Variants in NFIC observed in about 807,000 individuals in gnomAD.
NFIC encodes the protein nuclear factor I C.
Under a neutral mutation model 54.4 loss-of-function variants are expected in NFIC, and 12 were observed. The observed-to-expected ratio is 0.22, with a 90% CI of 0.14 to 0.36. The LOEUF (loss-of-function observed/expected upper bound fraction) is 0.36. Ranked by LOEUF, NFIC falls within the 10% of genes least tolerant of loss-of-function variation. The probability of loss-of-function intolerance (pLI) is 1.00; values close to 1 mark genes in which losing one functional copy is unlikely to be tolerated. For synonymous variants in NFIC, 322 were observed against 319.2 expected, an observed-to-expected ratio of 1.01 and a Z score of -0.09; for missense variants, 575 against 718.2, an observed-to-expected ratio of 0.80 and a Z score of 2.28.
intron 3 of NFIC, among the ~76,000 whole-genome samples, chr19:3,432,074 T>C (rs1382443403): frequency 6.6e-6 from 1 of 152,120 alleles, no homozygotes; most frequent in East Asian, 1.9e-4. Flanking sequence ...TGTGGATGCT[T>C]AGTAAACGCC....
chr19:3,367,898 C>T (rs1389207042), intron 1 of NFIC, among the ~76,000 whole-genome samples: 1 of 152,182 alleles, frequency 6.6e-6, no homozygotes, highest in African/African-American at 2.4e-5. Context: ...GAGGGACCCC[C>T]CACGCCAGGC....
chr19:3,398,800 AG>A (rs2081507211), intron 2 of NFIC, among the ~76,000 whole-genome samples: 1 of 152,114 alleles, frequency 6.6e-6, no homozygotes, highest in Non-Finnish European at 1.5e-5. Context: ...ACATAAGGGG[AG>A]GCCGGGCCAG....
intron 2 of NFIC, among the ~76,000 whole-genome samples, chr19:3,391,501 A>G (rs1157347721): frequency 6.6e-6 from 1 of 152,046 alleles, no homozygotes; most frequent in Non-Finnish European, 1.5e-5. Context: ...AAATACAAAA[A>G]TTAGCCAGTC....
chr19:3,419,382 G>T (rs1381377468), intron 2 of NFIC, among the ~76,000 whole-genome samples: 3 of 152,006 alleles, frequency 2.0e-5, no homozygotes, highest in Non-Finnish European at 4.4e-5. Flanking sequence ...TCTGAGGTGG[G>T]GGGATTGCTG....
At chr19:3,436,325 T>A (rs1271536581) in intron 6 of NFIC, among the ~76,000 whole-genome samples, 1 of 147,182 alleles carries the variant, frequency 6.8e-6, no homozygotes, top group Non-Finnish European at 1.5e-5. Flanking sequence ...TTTTTTTTTT[T>A]TTTTTTTTTT....
At chr19:3,437,697 T>G (rs527949880) in intron 6 of NFIC, among the ~76,000 whole-genome samples, 9 of 147,644 alleles carry the variant, frequency 6.1e-5, no homozygotes, top group Middle Eastern at 3.5e-3. Flanking sequence ...TTGTTTTTTG[T>G]TTTTTTTTTG....
chr19:3,456,073 G>A (rs528365729), intron 9 of NFIC, among the ~76,000 whole-genome samples: 1 of 152,312 alleles, frequency 6.6e-6, no homozygotes, highest in Non-Finnish European at 1.5e-5. Context: ...TATAATCGCT[G>A]AGGCTGAAAT....
rs1232206080 is a variant in NFIC at position 3,463,558 on chromosome 19, G to C, written c.*789G>C. On this transcript the variant is annotated 3_prime_UTR_variant, in exon 11 of 11. Coordinates refer to ENST00000443272, the MANE Select transcript of NFIC (RefSeq NM_001245002.2). ...GCCGGCCGACTCGCTGTCTCGCTGG[G>C]GACTCTTTCAGCCCTCGCGCCCGCC... is the stretch of plus-strand genomic sequence containing the variant. 17 of 985,006 alleles carry C rather than the reference G, an allele frequency of 1.7e-5. No individual in the cohort carries two copies. Among genetic ancestry groups the C allele is most frequent in the Non-Finnish European group, 2.0e-5 (17 of 829,830 alleles). The allele number at this position is 985,006 out of a possible 1,614,324, so 61.0% of individuals were successfully genotyped here. A position where few individuals can be genotyped will look rare whatever the true frequency, so the allele number is the denominator to read the frequency against.
chr19:3,366,522 C>A (rs1599546964), upstream of NFIC: 8 of 442,184 alleles, frequency 1.8e-5, no homozygotes, highest in Non-Finnish European at 2.7e-5. Flanking sequence ...GGAGAGCGCG[C>A]CGGCCGCGGG....
chr19:3,386,954 G>T (rs2081306414), intron 2 of NFIC, among the ~76,000 whole-genome samples: 2 of 152,250 alleles, frequency 1.3e-5, no homozygotes, highest in South Asian at 4.1e-4. Context: ...CACCCTGACA[G>T]CAGGAAGACT....
intron 6 of NFIC, among the ~76,000 whole-genome samples, chr19:3,444,767 G>A (rs1057413093): frequency 5.3e-5 from 8 of 152,168 alleles, no homozygotes; most frequent in South Asian, 2.1e-4. Context: ...CGTTCCCGCC[G>A]TGGCCCTGCG....
At chr19:3,396,286 G>A (rs185943920) in intron 2 of NFIC, among the ~76,000 whole-genome samples, 137 of 151,804 alleles carry the variant, frequency 9.0e-4, no homozygotes, top group African/African-American at 3.1e-3. Flanking sequence ...CCTGGCTAAC[G>A]TGGTGAAACC....
Position 3,425,172 on chromosome 19 carries a change from C to G in NFIC, c.629C>G (p.Thr210Arg). The change falls in exon 3 of 11, where the codon ACG becomes AGG. Residue 210 changes from threonine to arginine, a missense_variant. Thr to Arg is a moderately conservative substitution (Grantham distance 71, BLOSUM62 -1). Transcript: ENST00000443272. ...GACCAGGAGGACAGCAAGCCCATCA[C>G]GCTGGGTGAGTCTGGGGGCAGCGTG... is the stretch of plus-strand genomic sequence containing the variant. ...GSDQEDSKPI[T>R]LDTTDFQESF... The G allele has an allele frequency of 6.2e-7, 1 of 1,611,006 alleles. No individual in the cohort carries two copies. Among genetic ancestry groups the G allele is most frequent in the Non-Finnish European group, 8.5e-7 (1 of 1,179,498 alleles).
intron 3 of NFIC, among the ~76,000 whole-genome samples, chr19:3,432,372 C>T (rs977558045): frequency 4.6e-5 from 7 of 152,036 alleles, no homozygotes; most frequent in Admixed American, 1.3e-4. Context: ...GGTCTAGGCA[C>T]GAAGGACACT....
At chr19:3,455,899 C>G (rs977240526) in intron 9 of NFIC, among the ~76,000 whole-genome samples, 1 of 152,124 alleles carries the variant, frequency 6.6e-6, no homozygotes, top group Non-Finnish European at 1.5e-5. Flanking sequence ...ACTCCTACTT[C>G]TCCCCATAAG....
chr19:3,392,116 G>C (rs2081385797), intron 2 of NFIC, among the ~76,000 whole-genome samples: 1 of 134,244 alleles, frequency 7.4e-6, no homozygotes, highest in South Asian at 2.3e-4. Context: ...CTGTCTCCCA[G>C]GCAGGAGTGC....
chr19:3,464,720 T>TA lies in NFIC; in HGVS notation c.*1954dup. 1.0e-6 allele frequency: 1 copy of TA among 984,872 alleles called. No homozygotes were observed. Among genetic ancestry groups the TA allele is most frequent in the South Asian group, 4.7e-5 (1 of 21,248 alleles). 61.0% of individuals were successfully genotyped at this position (984,872 alleles called of 1,614,324 possible). A position where few individuals can be genotyped will look rare whatever the true frequency, so the allele number is the denominator to read the frequency against. On this transcript the variant is annotated 3_prime_UTR_variant, in exon 11 of 11. Coordinates refer to ENST00000443272, the MANE Select transcript of NFIC (RefSeq NM_001245002.2). ...GGAGCTTGGCGAACCCGCTCGCTCCTAAAGAGAAAGACCCAGGACCCTCCC... is the reference window on the plus strand; with the variant it reads ...GGAGCTTGGCGAACCCGCTCGCTCCTAAAAGAGAAAGACCCAGGACCCTCCC...
intron 2 of NFIC, among the ~76,000 whole-genome samples, chr19:3,404,822 C>T (rs8104199): frequency 0.9 from 137,473 of 152,232 alleles, 62,809 homozygotes; most frequent in East Asian, 0.99. Flanking sequence ...AGGGGCCCTG[C>T]GGCCTCCAGG....
chr19:3,377,122 A>T (rs1275199780), intron 1 of NFIC, among the ~76,000 whole-genome samples: 2 of 151,436 alleles, frequency 1.3e-5, no homozygotes, highest in Non-Finnish European at 2.9e-5. Context: ...AGGTCAGGAC[A>T]TTGAGACCAT....
Sources: allele counts gnomAD v4.1 joint callset (sites outside exome capture counted in the v4.1 genomes callset), GRCh38; gene constraint gnomAD v4.1.1; transcripts MANE v1.5; gene names NCBI Gene and HGNC (gene_info 2026-07-23, HGNC 2026-07-21).